Variants in PCM1 observed in about 807,000 individuals in gnomAD.
PCM1 encodes the protein pericentriolar material 1.
Under a neutral mutation model 241.9 loss-of-function variants are expected in PCM1, and 157 were observed. That is an observed-to-expected ratio of 0.65 (90% confidence interval 0.57 to 0.74). The LOEUF is 0.74. Ranked by LOEUF, PCM1 falls within the 30% of genes least tolerant of loss-of-function variation. The pLI is 0.00. For synonymous variants in PCM1, 1,085 were observed against 784.9 expected, an observed-to-expected ratio of 1.38 and a Z score of -6.39; for missense variants, 3,478 against 2,360.1, an observed-to-expected ratio of 1.47 and a Z score of -9.81.
intron 30 of PCM1, among the ~76,000 whole-genome samples, chr8:18,008,075 A>C (rs1479660252): frequency 6.6e-6 from 1 of 152,212 alleles, no homozygotes; most frequent in Admixed American, 6.5e-5. Flanking sequence ...ACAGATTCCA[A>C]AGAATAGACA....
rs2069252049 is a variant in PCM1, at chr8:17,957,714, A to G, written c.1979A>G (p.Asn660Ser). ...GATGCTGAATTTGAACAGAAGATCA[A>G]CCGACTTATGGCTGCAAAACAGAAA... ...PEDAEFEQKI[N>S]RLMAAKQKLR... The change falls in exon 13 of 39, where the codon AAC (asparagine) becomes AGC (serine). Residue 660 changes from asparagine (N) to serine (S), a missense_variant. Physicochemically the swap from Asn to Ser is conservative, Grantham distance 46. Transcript: ENST00000325083. The G allele has an allele frequency of 6.2e-7, 1 of 1,613,496 alleles. No individual in the cohort carries two copies. Among genetic ancestry groups the G allele is most frequent in the African/African-American group, 1.3e-5 (1 of 74,916 alleles).
intron 29 of PCM1, among the ~76,000 whole-genome samples, chr8:17,996,946 C>T (rs573265380): frequency 3.3e-5 from 5 of 152,052 alleles, no homozygotes; most frequent in Non-Finnish European, 7.4e-5. Context: ...AGTTTACACA[C>T]CACAATTACA....
chr8:18,028,662 TTG>T lies in PCM1; in HGVS notation c.*1001_*1002del. ...CTTTAAGTCAGCTTTTGAAAAGTGATTGATTTGCTTTTTATCCCAAACTGTCC... is the reference window on the plus strand; with the variant it reads ...CTTTAAGTCAGCTTTTGAAAAGTGATATTTGCTTTTTATCCCAAACTGTCC... On this transcript the variant is annotated 3_prime_UTR_variant, in exon 39 of 39. Coordinates refer to ENST00000325083, the MANE Select transcript of PCM1 (RefSeq NM_006197.4). The T allele has an allele frequency of 4.7e-5, 1 of 21,190 alleles. No homozygotes were observed. Among genetic ancestry groups the T allele is most frequent in the Non-Finnish European group, 1.3e-4 (1 of 7,710 alleles). 1.3% of individuals were successfully genotyped at this position (21,190 alleles called of 1,614,324 possible). A position where few individuals can be genotyped will look rare whatever the true frequency, so the allele number is the denominator to read the frequency against.
chr8:17,940,056 G>C, intron 6 of PCM1, 195 bp downstream of exon 6: 1 of 1,570,942 alleles, frequency 6.4e-7, no homozygotes, highest in Non-Finnish European at 8.6e-7. Flanking sequence ...GAGAAAATGA[G>C]GAGGAGGATG....
chr8:17,994,900 G>T (rs2086101279), intron 29 of PCM1, among the ~76,000 whole-genome samples: 1 of 151,214 alleles, frequency 6.6e-6, no homozygotes, highest in African/African-American at 2.5e-5. Flanking sequence ...TTCCTATAGA[G>T]TTTGAACTCT....
At chr8:17,926,663 G>C (rs944277491) in intron 2 of PCM1, 1 of 152,236 alleles carries the variant, frequency 6.6e-6, no homozygotes, top group African/African-American at 2.4e-5. Context: ...GTGAGGAAGT[G>C]AAGGATGCTA....
chr8:18,005,234 C>G (rs1013033681), intron 29 of PCM1, among the ~76,000 whole-genome samples: 2 of 151,952 alleles, frequency 1.3e-5, no homozygotes, highest in African/African-American at 4.8e-5. Flanking sequence ...ATAAGAATAC[C>G]TGCAGTTAAA....
rs770249247 is a variant in PCM1 at position 17,939,864 on chromosome 8, A to G, written c.783+3A>G. The G allele has an allele frequency of 1.6e-5, 23 of 1,435,628 alleles. No individual in the cohort carries two copies. Among genetic ancestry groups the G allele is most frequent in the Non-Finnish European group, 2.2e-5 (23 of 1,053,190 alleles). 88.9% of individuals were successfully genotyped at this position (1,435,628 alleles called of 1,614,324 possible). ...TGAAATTTCTTAAAAAAATCCTTGT[A>G]AGTATTCGACTTTTAAAATAACATA... On this transcript the variant is annotated splice_donor_region_variant and intron_variant, in intron 6 of 38. Coordinates refer to ENST00000325083, the MANE Select transcript of PCM1 (RefSeq NM_006197.4).
chr8:17,940,459 A>G (rs1003354582), intron 6 of PCM1, among the ~76,000 whole-genome samples: 1 of 152,212 alleles, frequency 6.6e-6, no homozygotes, highest in African/African-American at 2.4e-5. Context: ...TTTAAGAAGC[A>G]TCGAGGAAGT....
At chr8:17,993,346 T>A (rs2129479716) in intron 28 of PCM1, 137 bp from the exon 29 acceptor site, 1 of 515,130 alleles carries the variant, frequency 1.9e-6, no homozygotes, top group Non-Finnish European at 3.2e-6. Context: ...TAGGGGTGCT[T>A]AAACTACAAA....
At chr8:17,955,153 C>G (rs1449630200) in intron 9 of PCM1, among the ~76,000 whole-genome samples, 1 of 152,026 alleles carries the variant, frequency 6.6e-6, no homozygotes, top group Admixed American at 6.5e-5. Flanking sequence ...AACTAGAGTA[C>G]TTCTCTAGTT....
At chr8:17,960,260 A>C in intron 14 of PCM1, 55 bp from the exon 15 acceptor site, 1 of 1,571,482 alleles carries the variant, frequency 6.4e-7, no homozygotes, top group Non-Finnish European at 8.6e-7. Flanking sequence ...TGTTGTGCCT[A>C]ATGCTTCATC....
intron 28 of PCM1, among the ~76,000 whole-genome samples, chr8:17,992,611 T>TG (rs548525648): frequency 2.5e-5 from 1 of 39,498 alleles, no homozygotes; most frequent in Non-Finnish European, 1.1e-4. Context: ...CTACTACTAC[T>TG]TTTTTTTTTT....
At chr8:17,953,685 A>T (rs1454909393) in intron 9 of PCM1, among the ~76,000 whole-genome samples, 2 of 152,214 alleles carry the variant, frequency 1.3e-5, no homozygotes, top group Non-Finnish European at 2.9e-5. Flanking sequence ...ATTTTTAAAA[A>T]ATATATAAAT....
At chr8:17,963,023 A>C in intron 16 of PCM1, 78 bp from the exon 17 acceptor site, 2 of 970,056 alleles carry the variant, frequency 2.1e-6, no homozygotes, top group South Asian at 3.1e-5. Context: ...TGATACTGAC[A>C]ATACTAGTAG....
chr8:17,936,500 G>A (rs1034497475), intron 3 of PCM1, among the ~76,000 whole-genome samples: 1 of 152,136 alleles, frequency 6.6e-6, no homozygotes, highest in Non-Finnish European at 1.5e-5. Flanking sequence ...GAAACTATAA[G>A]CACTTTTTGT....
intron 36 of PCM1, among the ~76,000 whole-genome samples, chr8:18,016,042 C>G (rs184314470): frequency 7.7e-4 from 117 of 152,284 alleles, no homozygotes; most frequent in African/African-American, 2.7e-3. Context: ...ACGTGTGTCA[C>G]CACACCCGGC....
intron 36 of PCM1, among the ~76,000 whole-genome samples, chr8:18,016,288 G>C (rs765713298): frequency 1.3e-5 from 2 of 152,026 alleles, no homozygotes; most frequent in Non-Finnish European, 2.9e-5. Context: ...GGTTTAGAAA[G>C]ATAGGGTATT....
chr8:17,956,761 C>T lies in PCM1; in HGVS notation c.1630C>T (p.Pro544Ser), dbSNP rs370983959. The T allele has an allele frequency of 6.2e-6, 10 of 1,607,554 alleles. No individual in the cohort carries two copies. The highest frequency in any genetic ancestry group is 2.2e-5 in the East Asian group (1 of 44,736). Residue 544 changes from proline to serine, a missense_variant, in exon 11 of 39, where the codon CCT becomes TCT. Transcript: ENST00000325083. ...TGATTCTGAGCATGAAAATTCCGAGCCTGTTACTAACATTCGGTAAGAACT... is the reference window on the plus strand; with the variant it reads ...TGATTCTGAGCATGAAAATTCCGAGTCTGTTACTAACATTCGGTAAGAACT... ...EYDSEHENSE[P>S]VTNIRNPQVA...
Sources: allele counts gnomAD v4.1 joint callset (sites outside exome capture counted in the v4.1 genomes callset), GRCh38; gene constraint gnomAD v4.1.1; transcripts MANE v1.5; gene names NCBI Gene and HGNC (gene_info 2026-07-23, HGNC 2026-07-21).